The following ARHGEF12 variants were observed in gnomAD, a reference collection of about 807,000 sequenced individuals.
The protein encoded by ARHGEF12 is KMT2A/ARHGEF12 fusion protein.
A neutral mutation model predicts 211.2 loss-of-function variants in ARHGEF12; 66 were observed. The observed-to-expected ratio is 0.31, with a 90% CI of 0.26 to 0.38. The LOEUF (loss-of-function observed/expected upper bound fraction) is 0.38, where lower values mean the gene tolerates loss of function less well. ARHGEF12 is among the 10% of genes least tolerant of loss of function. The probability of loss-of-function intolerance (pLI) is 1.00; values close to 1 mark genes in which losing one functional copy is unlikely to be tolerated. For missense variants in ARHGEF12, 1,429 were observed against 1,869.5 expected (o/e 0.76, Z 4.34); for synonymous variants, 592 against 638.4 (o/e 0.93, Z 1.09).
intron 1 of ARHGEF12, among the ~76,000 whole-genome samples, chr11:120,386,796 A>AC (rs1359111515): frequency 2.0e-5 from 3 of 152,104 alleles, no homozygotes; most frequent in Non-Finnish European, 4.4e-5. Context: ...ATTAGTCCAA[A>AC]CAAGCAAACA....
intron 1 of ARHGEF12, among the ~76,000 whole-genome samples, chr11:120,347,679 A>G (rs905723462): frequency 6.6e-6 from 1 of 152,206 alleles, no homozygotes; most frequent in Admixed American, 6.5e-5. Context: ...GAAAGCCTCC[A>G]TTTTGATTCA....
At chr11:120,448,098 A>T in intron 19 of ARHGEF12, 136 bp from the exon 20 acceptor site, 1 of 760,908 alleles carries the variant, frequency 1.3e-6, no homozygotes, top group Non-Finnish European at 2.1e-6. Context: ...CTGTGCAATG[A>T]CTAGTTAGTT....
At chr11:120,367,216 G>T (rs1014992861) in intron 1 of ARHGEF12, among the ~76,000 whole-genome samples, 1 of 151,930 alleles carries the variant, frequency 6.6e-6, no homozygotes, top group Non-Finnish European at 1.5e-5. Flanking sequence ...TGTGGTTTGT[G>T]AATAGTTTTG....
At chr11:120,404,882 T>C (rs1944654033) in intron 1 of ARHGEF12, among the ~76,000 whole-genome samples, 1 of 152,214 alleles carries the variant, frequency 6.6e-6, no homozygotes, top group African/African-American at 2.4e-5. Flanking sequence ...GACAGACTGC[T>C]TAGGAACTCC....
At chr11:120,447,248 ATACTTT>A in intron 18 of ARHGEF12, 163 bp downstream of exon 18, 1 of 656,230 alleles carries the variant, frequency 1.5e-6, no homozygotes, top group East Asian at 3.3e-5. Context: ...CTTTTTTCTG[ATACTTT>A]TAGATAAATT....
At chr11:120,477,328 G>A in intron 35 of ARHGEF12, 23 bp downstream of exon 35, 1 of 1,611,666 alleles carries the variant, frequency 6.2e-7, no homozygotes, top group Non-Finnish European at 8.5e-7. Flanking sequence ...TTGCATTGTA[G>A]TAGGACTTAT....
chr11:120,385,788 A>G (rs114511923), intron 1 of ARHGEF12, among the ~76,000 whole-genome samples: 462 of 152,348 alleles, frequency 3.0e-3, no homozygotes, highest in African/African-American at 0.01. Flanking sequence ...TCAAAAGAAT[A>G]GGATGCAGCA....
chr11:120,341,358 G>GT (rs935550479), intron 1 of ARHGEF12, among the ~76,000 whole-genome samples: 26 of 58,624 alleles, frequency 4.4e-4, no homozygotes, highest in African/African-American at 2.3e-3. Context: ...GAGCCCAGTG[G>GT]TTTTTTTTGT....
intron 1 of ARHGEF12, among the ~76,000 whole-genome samples, chr11:120,358,059 C>G (rs1464210521): frequency 6.6e-6 from 1 of 151,942 alleles, no homozygotes. Context: ...ATTTTAACCT[C>G]TGGATTGTAG....
chr11:120,420,660 G>A (rs1195893560), intron 4 of ARHGEF12, 93 bp from the exon 5 acceptor site: 1 of 1,060,390 alleles, frequency 9.4e-7, no homozygotes, highest in East Asian at 2.6e-5. Flanking sequence ...TGTTTCTCCA[G>A]ATGGAACACA....
intron 21 of ARHGEF12, 76 bp downstream of exon 21, chr11:120,449,290 G>C: frequency 8.5e-7 from 1 of 1,169,614 alleles, no homozygotes; most frequent in South Asian, 1.4e-5. Flanking sequence ...CAGCTAGAAT[G>C]AATTTCTGGA....
rs1942371800 is a variant in ARHGEF12, at chr11:120,337,072, G to T, written c.-172G>T. ...GAGATAACTTGTTTTGCTCCAAGCC[G>T]CATCCGTTGACCCCTTACAGTCGGA... On this transcript the variant is annotated 5_prime_UTR_variant, in exon 1 of 41. Coordinates refer to ENST00000397843, the MANE Select transcript of ARHGEF12 (RefSeq NM_015313.3). 2 of 717,712 alleles carry T rather than the reference G, an allele frequency of 2.8e-6. No individual in the cohort carries two copies. The highest frequency in any genetic ancestry group is 4.8e-6 in the Non-Finnish European group (2 of 417,246). 44.5% of individuals were successfully genotyped at this position (717,712 alleles called of 1,614,324 possible).
intron 25 of ARHGEF12, chr11:120,458,452 A>G: frequency 2.1e-6 from 1 of 478,404 alleles, no homozygotes; most frequent in Non-Finnish European, 3.6e-6. Flanking sequence ...TTAAGCCTTA[A>G]AGATATTTAA....
intron 10 of ARHGEF12, among the ~76,000 whole-genome samples, chr11:120,430,115 T>C (rs1474165748): frequency 6.6e-6 from 1 of 151,874 alleles, no homozygotes; most frequent in Non-Finnish European, 1.5e-5. Context: ...TATTTAGATA[T>C]ATATATATAT....
chr11:120,367,814 A>G (rs1246304980), intron 1 of ARHGEF12, among the ~76,000 whole-genome samples: 1 of 152,092 alleles, frequency 6.6e-6, no homozygotes. Context: ...CTACAAAGTA[A>G]TTTCAAAATT....
chr11:120,432,246 G>A (rs1056302858), intron 11 of ARHGEF12, among the ~76,000 whole-genome samples: 1 of 152,168 alleles, frequency 6.6e-6, no homozygotes, highest in Non-Finnish European at 1.5e-5. Flanking sequence ...TTAAGAGCAT[G>A]TTAATATTCC....
chr11:120,389,863 C>CT (rs200456042), intron 1 of ARHGEF12, among the ~76,000 whole-genome samples: 2,254 of 152,184 alleles, frequency 0.015, 53 homozygotes, highest in African/African-American at 0.05. Context: ...GGAACTCATT[C>CT]TTTTTTATGG....
chr11:120,457,265 T>C lies in ARHGEF12; in HGVS notation c.2189+15T>C, dbSNP rs767744374. On this transcript the variant is annotated intron_variant, in intron 23 of 40. Coordinates refer to ENST00000397843, the MANE Select transcript of ARHGEF12 (RefSeq NM_015313.3). The stretch of plus-strand genomic sequence containing the variant: ...GAAGTAGAAAGGTAATTCAGTGATC[T>C]CTTAGAGAAGCTTAGGGCATTACTT... 1 of 1,613,394 alleles carries C rather than the reference T, an allele frequency of 6.2e-7. No individual in the cohort carries two copies. The highest frequency in any genetic ancestry group is 1.3e-5 in the African/African-American group (1 of 74,898).
At position 120,428,063 on chromosome 11, in the gene ARHGEF12, C is replaced by T; in HGVS notation, c.407-6C>T. The T allele has an allele frequency of 4.5e-6, 7 of 1,556,250 alleles. No individual in the cohort carries two copies. Among genetic ancestry groups the T allele is most frequent in the Non-Finnish European group, 6.1e-6 (7 of 1,150,992 alleles). On this transcript the variant is annotated splice_region_variant and splice_polypyrimidine_tract_variant and intron_variant, in intron 7 of 40. Transcript: ENST00000397843. ...CCCTTCCCTTTTTCCGTCTCCCCAC[C>T]CCAAGCTGGTTCCTATGTAGCTCTC...
Sources: gnomAD v4.1 joint callset for allele counts (sites outside exome capture counted in the v4.1 genomes callset) on GRCh38, gnomAD v4.1.1 for gene constraint, MANE v1.5 for transcripts, NCBI Gene and HGNC (gene_info 2026-07-23, HGNC 2026-07-21) for gene names.